Variants in SPTBN1 observed in about 807,000 individuals in gnomAD.
SPTBN1 encodes spectrin beta chain, non-erythrocytic 1.
Under a neutral mutation model 266.4 loss-of-function variants are expected in SPTBN1, and 32 were observed. That is an observed-to-expected ratio of 0.12 (90% confidence interval 0.09 to 0.16). SPTBN1 has a LOEUF of 0.16. SPTBN1 is among the 10% of genes least tolerant of loss of function. The probability of loss-of-function intolerance (pLI) is 1.00; values close to 1 mark genes in which losing one functional copy is unlikely to be tolerated. For missense variants in SPTBN1, 2,296 were observed against 3,067.1 expected, an observed-to-expected ratio of 0.75 and a Z score of 5.94; for synonymous variants, 1,336 against 1,162.2, an observed-to-expected ratio of 1.15 and a Z score of -3.04.
At chr2:54,475,920 A>G (rs1441160828) in intron 1 of SPTBN1, among the ~76,000 whole-genome samples, 2 of 152,172 alleles carry the variant, frequency 1.3e-5, no homozygotes, top group Non-Finnish European at 2.9e-5. Context: ...ACTGCTCTTT[A>G]GTGCTTGAAA....
chr2:54,640,125 A>C (rs543261398), intron 18 of SPTBN1, among the ~76,000 whole-genome samples: 22 of 152,262 alleles, frequency 1.4e-4, no homozygotes, highest in African/African-American at 4.8e-4. Context: ...ATTGGCTATA[A>C]ACTTTTCCAT....
At chr2:54,604,487 G>C (rs551146428) in intron 3 of SPTBN1, among the ~76,000 whole-genome samples, 1 of 152,282 alleles carries the variant, frequency 6.6e-6, no homozygotes, top group South Asian at 2.1e-4. Context: ...GGGCAGGCAG[G>C]TGGGACAGAG....
chr2:54,648,670 C>T (rs1016030141), intron 24 of SPTBN1, among the ~76,000 whole-genome samples: 1 of 152,156 alleles, frequency 6.6e-6, no homozygotes, highest in Non-Finnish European at 1.5e-5. Flanking sequence ...GAGAATTTTC[C>T]CCTTTCCCCG....
chr2:54,629,180 G>T lies in SPTBN1; in HGVS notation c.2046G>T (p.Ala682=). 6.2e-7 allele frequency: 1 copy of T among 1,613,620 alleles called. No individual in the cohort carries two copies. Among genetic ancestry groups the T allele is most frequent in the Non-Finnish European group, 8.5e-7 (1 of 1,179,936 alleles). The change falls in exon 14 of 36, where the codon GCG becomes GCT. Residue 682 remains alanine, a synonymous_variant. Transcript: ENST00000356805. ...SVMRLLSKHR[A]FEDEMSGRSG... ...TGCGCCTGCTCAGCAAGCACCGGGCGTTCGAGGACGAGATGAGCGGCCGCA... is the reference window on the plus strand; with the variant it reads ...TGCGCCTGCTCAGCAAGCACCGGGCTTTCGAGGACGAGATGAGCGGCCGCA...
chr2:54,563,619 T>C (rs1205702738), intron 2 of SPTBN1, among the ~76,000 whole-genome samples: 15 of 130,802 alleles, frequency 1.1e-4, no homozygotes, highest in Non-Finnish European at 2.1e-4. Flanking sequence ...TTTTTTTTTT[T>C]TTGAGACGGG....
chr2:54,515,301 TA>T (rs1213293184), intron 1 of SPTBN1, among the ~76,000 whole-genome samples: 1 of 152,208 alleles, frequency 6.6e-6, no homozygotes, highest in Non-Finnish European at 1.5e-5. Context: ...GAGACTGTTT[TA>T]AGTAATAGCA....
intron 2 of SPTBN1, among the ~76,000 whole-genome samples, chr2:54,578,700 C>G (rs1178146060): frequency 6.6e-6 from 1 of 151,798 alleles, no homozygotes; most frequent in African/African-American, 2.4e-5. Flanking sequence ...TATACCCTGC[C>G]CACTTCCAGA....
chr2:54,510,085 A>G (rs6545418), intron 1 of SPTBN1, among the ~76,000 whole-genome samples: 121,040 of 151,526 alleles, frequency 0.8, 48,906 homozygotes, highest in African/African-American at 0.93. Context: ...CAGCCTCCCA[A>G]GTAGCTGGGA....
chr2:54,546,415 C>CA (rs1242949108), intron 2 of SPTBN1: 1 of 152,124 alleles, frequency 6.6e-6, no homozygotes, highest in Non-Finnish European at 1.5e-5. Flanking sequence ...TACATGTAGG[C>CA]ATTCTCCTGT....
Position 54,554,266 on chromosome 2 carries a change from G to A in SPTBN1, c.148+27700G>A, listed in dbSNP as rs1672738326. Reference sequence around the variant, plus strand: ...GGGGAGATGGGGAGCACGCTGACTTGGTGGATCTGGGGTCCATGTGTTGGT... The same window carrying A: ...GGGGAGATGGGGAGCACGCTGACTTAGTGGATCTGGGGTCCATGTGTTGGT... On this transcript the variant is annotated intron_variant, in intron 2 of 35. Coordinates refer to ENST00000356805, the MANE Select transcript of SPTBN1 (RefSeq NM_003128.3). This position sits in a 1 kb window ranked among gnomAD's most constrained non-coding sequence, Gnocchi z 4.5. 6.6e-6 allele frequency among the ~76,000 whole-genome samples: 1 copy of A among 152,166 alleles called. No individual in the cohort carries two copies. Among genetic ancestry groups the A allele is most frequent in the Admixed American group, 6.5e-5 (1 of 15,286 alleles).
At chr2:54,555,105 A>C (rs945374023) in intron 2 of SPTBN1, among the ~76,000 whole-genome samples, 1 of 151,922 alleles carries the variant, frequency 6.6e-6, no homozygotes, top group African/African-American at 2.4e-5. Context: ...CTCTCCTTAG[A>C]TTTTCATTCT....
chr2:54,645,373 G>C lies in SPTBN1; in HGVS notation c.4414G>C (p.Glu1472Gln). The change falls in exon 21 of 36, where the codon GAG (glutamate) becomes CAG (glutamine). Residue 1472 changes from glutamate to glutamine, a missense_variant. This residue lies in a region of SPTBN1 where 386 missense variants were observed against 486.1 expected (regional missense o/e 0.79). Transcript: ENST00000356805. The surrounding 1 kb of genome is among the most constrained non-coding windows in gnomAD (Gnocchi z 4.3). ...GCAGACCAAGTTCATGGAGTTGCTG[G>C]AGCCCTTGAACGAGAGGAAGCATAA... ...TVQTKFMELL[E>Q]PLNERKHNLL... 1 of 1,614,198 alleles carries C rather than the reference G, an allele frequency of 6.2e-7. No individual in the cohort carries two copies. The highest frequency in any genetic ancestry group is 8.5e-7 in the Non-Finnish European group (1 of 1,180,036).
rs528271432 is a variant in SPTBN1, at chr2:54,582,480, C to T, written c.149-16612C>T. ...TCTGGAGGCTGAGGCAGGAGAATGG[C>T]GTGAATCCAGGAGGCGGAGCTTGCA... On this transcript the variant is annotated intron_variant, in intron 2 of 35. Coordinates refer to ENST00000356805, the MANE Select transcript of SPTBN1 (RefSeq NM_003128.3). 3.8e-3 allele frequency among the ~76,000 whole-genome samples: 565 copies of T among 150,028 alleles called. 3 individuals carry two copies. Among genetic ancestry groups the T allele is most frequent in the African/African-American group, 0.013 (541 of 40,626 alleles).
Position 54,618,084 on chromosome 2 carries a change from C to G in SPTBN1, c.654C>G (p.Asp218Glu). The G allele has an allele frequency of 6.2e-7, 1 of 1,613,882 alleles. No homozygotes were observed. The highest frequency in any genetic ancestry group is 8.5e-7 in the Non-Finnish European group (1 of 1,179,794). Residue 218 changes from aspartate to glutamate, a missense_variant, in exon 7 of 36, where the codon GAC becomes GAG. Coordinates refer to ENST00000356805, the MANE Select transcript of SPTBN1 (RefSeq NM_003128.3). Reference protein sequence around the residue: ...FNALIHKHRPDLIDFDKLKKS... With the variant: ...FNALIHKHRPELIDFDKLKKS... ...CCACTGTTGTTCTGCACAGGCCTGA[C>G]CTGATAGATTTTGACAAACTAAAGA...
At chr2:54,546,676 C>T (rs1023786302) in intron 2 of SPTBN1, 6 of 152,170 alleles carry the variant, frequency 3.9e-5, no homozygotes, top group African/African-American at 1.4e-4. Flanking sequence ...TCGCACTGCA[C>T]ACAAATGTGA....
rs200755126 is a variant in SPTBN1, at chr2:54,626,072, C to T, written c.1482C>T (p.His494=). Residue 494 remains histidine (H), a synonymous_variant, in exon 12 of 36, where the codon CAC becomes CAT. Coordinates refer to ENST00000356805, the MANE Select transcript of SPTBN1 (RefSeq NM_003128.3). This position sits in a 1 kb window ranked among gnomAD's most constrained non-coding sequence, Gnocchi z 4.7. The stretch of plus-strand genomic sequence containing the variant: ...GGGAGCTCGAGGCCGAGAATTACCA[C>T]GACATCAAGCGCATCACAGCGAGGA... ...VARELEAENY[H]DIKRITARKD... 5.4e-5 allele frequency: 87 copies of T among 1,614,150 alleles called. No individual in the cohort carries two copies. The highest frequency in any genetic ancestry group is 6.5e-5 in the Non-Finnish European group (77 of 1,180,036).
rs72920521 is a variant in SPTBN1 at position 54,592,264 on chromosome 2, G to C, written c.149-6828G>C. Among the ~76,000 whole-genome samples, 143 of 152,274 alleles carry C rather than the reference G, an allele frequency of 9.4e-4. 1 individual carries two copies. Among genetic ancestry groups the C allele is most frequent in the African/African-American group, 3.3e-3 (139 of 41,550 alleles). On this transcript the variant is annotated intron_variant, in intron 2 of 35. Transcript: ENST00000356805. ...TCACAGTCATTCCCTAAAAAGAAAA[G>C]AAGTAGATGTTATGCTTCTAGAAGA...
intron 2 of SPTBN1, among the ~76,000 whole-genome samples, chr2:54,563,590 ATTCT>A: frequency 1.2e-5 from 1 of 84,846 alleles, no homozygotes; most frequent in Non-Finnish European, 2.5e-5. Context: ...AAGAAAATTT[ATTCT>A]TTTTTTTTTT....
chr2:54,551,411 G>A (rs1421929557), intron 2 of SPTBN1, among the ~76,000 whole-genome samples: 2 of 152,254 alleles, frequency 1.3e-5, no homozygotes, highest in Non-Finnish European at 2.9e-5. Flanking sequence ...GCAAAGCCAG[G>A]GCCTCTGGAC....
Sources: gnomAD v4.1 joint callset for allele counts (sites outside exome capture counted in the v4.1 genomes callset) on GRCh38, gnomAD v4.1.1 for gene constraint, gnomAD v4.1.1 regional missense constraint, Gnocchi (gnomAD v3.1) non-coding constraint, MANE v1.5 for transcripts, NCBI Gene and HGNC (gene_info 2026-07-23, HGNC 2026-07-21) for gene names.